Variants in EEFSEC observed in about 807,000 individuals in gnomAD.
EEFSEC encodes the protein selenocysteine-specific elongation factor.
A neutral mutation model predicts 42.1 loss-of-function variants in EEFSEC; 43 were observed. The ratio of observed to expected loss-of-function variants is 1.02; its 90% confidence interval spans 0.80 to 1.32. EEFSEC has a LOEUF of 1.32. EEFSEC is among the 40% of genes most tolerant of loss of function. EEFSEC has a pLI of 0.00. For synonymous variants in EEFSEC, 354 were observed against 339.1 expected (o/e 1.04, Z -0.48); for missense variants, 745 against 803.6 (o/e 0.93, Z 0.88).
intron 1 of EEFSEC, 144 bp downstream of exon 1, chr3:128,153,967 G>C: frequency 8.0e-7 from 1 of 1,248,624 alleles, no homozygotes; most frequent in Non-Finnish European, 1.0e-6. Context: ...AGAGGCGGAC[G>C]TGACTTGCCT....
chr3:128,271,293 C>T (rs544806193), intron 4 of EEFSEC, among the ~76,000 whole-genome samples: 10 of 152,290 alleles, frequency 6.6e-5, no homozygotes, highest in Admixed American at 2.6e-4. Flanking sequence ...ATCAGGTGCC[C>T]GAGGCTGCAG....
intron 1 of EEFSEC, among the ~76,000 whole-genome samples, chr3:128,215,164 A>C (rs988094080): frequency 1.3e-5 from 2 of 152,234 alleles, no homozygotes; most frequent in African/African-American, 2.4e-5. Context: ...TATGGCTCTC[A>C]GCAACCCTAA....
At chr3:128,302,695 C>G (rs1205083696) in intron 4 of EEFSEC, among the ~76,000 whole-genome samples, 1 of 151,426 alleles carries the variant, frequency 6.6e-6, no homozygotes, top group Non-Finnish European at 1.5e-5. Flanking sequence ...AGAGTAGGAG[C>G]CTCTCCTCCT....
chr3:128,253,962 TA>T (rs1351693810), intron 2 of EEFSEC, among the ~76,000 whole-genome samples: 1 of 152,056 alleles, frequency 6.6e-6, no homozygotes, highest in Non-Finnish European at 1.5e-5. Flanking sequence ...CTCTTGTCTT[TA>T]AAAAAGAAAA....
intron 5 of EEFSEC, among the ~76,000 whole-genome samples, chr3:128,356,367 C>A (rs1344679662): frequency 2.6e-5 from 4 of 152,104 alleles, no homozygotes; most frequent in Admixed American, 2.6e-4. Context: ...AACCCCAGGG[C>A]CTAGCTATGC....
At position 128,307,202 on chromosome 3, in the gene EEFSEC, C is replaced by T. The variant is rs1333207368; in HGVS notation, c.787-34031C>T. On this transcript the variant is annotated intron_variant, in intron 4 of 6. Coordinates refer to ENST00000254730, the MANE Select transcript of EEFSEC (RefSeq NM_021937.5). ...GCTTTTCCCAAGGCTGGCAGGCACC[C>T]TCTGAGCACTGTTTCTAGCCTCAGC... 5.3e-5 allele frequency among the ~76,000 whole-genome samples: 8 copies of T among 152,266 alleles called. No individual in the cohort carries two copies. The East Asian group carries it at 9.6e-4, about 18-fold the overall frequency.
chr3:128,358,116 C>A, intron 5 of EEFSEC, 101 bp from the exon 6 acceptor site: 1 of 1,488,238 alleles, frequency 6.7e-7, no homozygotes, highest in Non-Finnish European at 9.1e-7. Flanking sequence ...AGCAGCCAGC[C>A]ATGCCTAGGG....
At chr3:128,393,629 A>G (rs768495695) in intron 6 of EEFSEC, among the ~76,000 whole-genome samples, 44 of 152,332 alleles carry the variant, frequency 2.9e-4, no homozygotes, top group Non-Finnish European at 4.3e-4. Flanking sequence ...AAGAGATGCA[A>G]CCTGCCCAGG....
At chr3:128,416,946 C>T in the EEFSEC span, among the ~76,000 whole-genome samples, 1 of 152,152 alleles carries the variant, frequency 6.6e-6, no homozygotes, top group Non-Finnish European at 1.5e-5. Context: ...GCCGCGGGTT[C>T]CTGCTTTGTG....
At chr3:128,310,039 G>T (rs928207444) in intron 4 of EEFSEC, among the ~76,000 whole-genome samples, 4 of 152,254 alleles carry the variant, frequency 2.6e-5, no homozygotes, top group Non-Finnish European at 5.9e-5. Flanking sequence ...CATACACCTT[G>T]TGCAGCTTAA....
chr3:128,157,993 T>G (rs1258527394), intron 1 of EEFSEC, among the ~76,000 whole-genome samples: 1 of 152,198 alleles, frequency 6.6e-6, no homozygotes, highest in Non-Finnish European at 1.5e-5. Flanking sequence ...AAAGAACATT[T>G]GTGATTCATG....
At position 128,408,150 on chromosome 3, in the gene EEFSEC, G is replaced by C. The variant is rs1479961842; in HGVS notation, c.1682G>C (p.Arg561Thr). Residue 561 changes from arginine (R) to threonine (T), a missense_variant, in exon 7 of 7, where the codon AGG (arginine) becomes ACG (threonine). Coordinates refer to ENST00000254730, the MANE Select transcript of EEFSEC (RefSeq NM_021937.5). ...CGGGCTGGCCGTGGGGAGGCCACCA[G>C]GCAGGAGGAGAGCGCCGAGCGGAGC... ...RARAGRGEAT[R>T]QEESAERSEP... The C allele has an allele frequency of 6.2e-7, 1 of 1,612,446 alleles. No homozygotes were observed. The highest frequency in any genetic ancestry group is 1.3e-5 in the African/African-American group (1 of 74,874).
rs1363412895 is a variant in EEFSEC, at chr3:128,289,359, T to A, written c.786+24578T>A. 3.9e-5 allele frequency among the ~76,000 whole-genome samples: 6 copies of A among 152,218 alleles called. No individual in the cohort carries two copies. In the East Asian group the frequency reaches 1.2e-3, roughly 29 times the overall value. On this transcript the variant is annotated intron_variant, in intron 4 of 6. Coordinates refer to ENST00000254730, the MANE Select transcript of EEFSEC (RefSeq NM_021937.5). ...TGCACATTCTCAGTACCTTCCAGAC[T>A]CTTGCCAAGATGCAGGCTCTAGAGC...
chr3:128,337,539 C>T (rs1418642686), intron 4 of EEFSEC, among the ~76,000 whole-genome samples: 1 of 152,178 alleles, frequency 6.6e-6, no homozygotes, highest in Non-Finnish European at 1.5e-5. Flanking sequence ...AGCCCCGGCA[C>T]GTCTGGAATC....
At chr3:128,374,279 T>G (rs895297386) in intron 6 of EEFSEC, among the ~76,000 whole-genome samples, 5 of 152,250 alleles carry the variant, frequency 3.3e-5, no homozygotes, top group African/African-American at 1.2e-4. Flanking sequence ...CAGAGGCTGC[T>G]GTTCATGTTT....
intron 2 of EEFSEC, among the ~76,000 whole-genome samples, chr3:128,255,487 A>G (rs1483071348): frequency 6.6e-6 from 1 of 152,082 alleles, no homozygotes; most frequent in African/African-American, 2.4e-5. Context: ...TTAGTGTCAC[A>G]TGGAATTGGC....
chr3:128,253,874 T>C (rs1010314167), intron 2 of EEFSEC, among the ~76,000 whole-genome samples: 1 of 152,220 alleles, frequency 6.6e-6, no homozygotes, highest in Non-Finnish European at 1.5e-5. Context: ...CGTGTCACAC[T>C]GACCTTTGGA....
intron 6 of EEFSEC, among the ~76,000 whole-genome samples, chr3:128,386,331 C>T (rs1467357682): frequency 6.6e-6 from 1 of 152,130 alleles, no homozygotes; most frequent in African/African-American, 2.4e-5. Flanking sequence ...GCCCTGAAAA[C>T]GTTCTCAAAA....
chr3:128,356,036 C>T (rs182953469), intron 5 of EEFSEC, among the ~76,000 whole-genome samples: 26 of 152,318 alleles, frequency 1.7e-4, no homozygotes, highest in African/African-American at 6.0e-4. Context: ...TAGGATCTGT[C>T]GCTGAGAAGT....
Sources: allele counts gnomAD v4.1 joint callset (sites outside exome capture counted in the v4.1 genomes callset), GRCh38; gene constraint gnomAD v4.1.1; transcripts MANE v1.5; gene names NCBI Gene and HGNC (gene_info 2026-07-23, HGNC 2026-07-21).